The following KCNN2 variants were observed in gnomAD, a reference collection of about 807,000 sequenced individuals.
The protein encoded by KCNN2 is potassium calcium-activated channel subfamily N member 2, also known as small conductance calcium-activated potassium channel protein 2.
Under a neutral mutation model 55.5 loss-of-function variants are expected in KCNN2, and 24 were observed. The ratio of observed to expected loss-of-function variants is 0.43; its 90% CI spans 0.31 to 0.61. KCNN2 has a LOEUF of 0.61. KCNN2 is among the 20% of genes least tolerant of loss of function. KCNN2 has a pLI of 0.08. For missense variants in KCNN2, 754 were observed against 853.6 expected (o/e 0.88, Z 1.45); for synonymous variants, 431 against 336.1 (o/e 1.28, Z -3.09).
chr5:114,062,834 T>C (rs572550844), intron 1 of KCNN2, among the ~76,000 whole-genome samples: 4 of 152,236 alleles, frequency 2.6e-5, no homozygotes, highest in Non-Finnish European at 5.9e-5. Context: ...TGTTTTTCTT[T>C]TAAGGCAGTT....
chr5:114,220,209 A>G (rs1257649423), intron 1 of KCNN2, among the ~76,000 whole-genome samples: 1 of 152,224 alleles, frequency 6.6e-6, no homozygotes, highest in East Asian at 1.9e-4. Context: ...TTAACAAATA[A>G]TACATTAGAA....
Position 114,363,008 on chromosome 5 carries a change from A to C in KCNN2, c.869A>C (p.Asn290Thr). The change falls in exon 1 of 8, where the codon AAC (asparagine) becomes ACC (threonine). Residue 290 changes from asparagine to threonine, a missense_variant. This residue lies in a region of KCNN2 where 381 missense variants were observed against 259.1 expected (regional missense o/e 1.47). Coordinates refer to ENST00000673685, the MANE Select transcript of KCNN2 (RefSeq NM_021614.4). ...AAGCCCGAGCACAACAACTCCAACA[A>C]CCTGGCGCTCTATGGAACCGGCGGC... ...VSKPEHNNSN[N>T]LALYGTGGGG... The C allele has an allele frequency of 6.3e-7, 1 of 1,597,786 alleles. No homozygotes were observed. Among genetic ancestry groups the C allele is most frequent in the Non-Finnish European group, 8.5e-7 (1 of 1,175,732 alleles).
At chr5:114,198,603 T>G (rs917079041) in intron 1 of KCNN2, among the ~76,000 whole-genome samples, 11 of 152,146 alleles carry the variant, frequency 7.2e-5, no homozygotes, top group Admixed American at 3.9e-4. Flanking sequence ...CATGATTTCT[T>G]TCCCTCTGGG....
rs540887201 is a variant in KCNN2, at chr5:114,222,791, T to C, written c.-185+1226T>C. Among the ~76,000 whole-genome samples the C allele has an allele frequency of 4.9e-4, 75 of 152,340 alleles. 1 individual carries two copies. Among genetic ancestry groups the C allele is most frequent in the Middle Eastern group, 6.8e-3 (2 of 294 alleles). The stretch of plus-strand genomic sequence containing the variant: ...CTCAAAATAGGCCTTCACTTGGTAC[T>C]TCCTAATAAGTCAGCTGTTTAAAAA... On this transcript the variant is annotated intron_variant, in intron 2 of 10. Transcript: ENST00000512097.
In KCNN2 at chr5:114,177,275, C is replaced by T. The variant is rs539966894; in HGVS notation, c.-270-44205C>T. On this transcript the variant is annotated intron_variant, in intron 1 of 10. Coordinates refer to the KCNN2 transcript ENST00000512097. ...GCCTCAGCCTCCTGAGTAGCTGGGA[C>T]TACAGGAGCCCGCCACCGCGCCCGG... Among the ~76,000 whole-genome samples the T allele has an allele frequency of 1.1e-4, 16 of 151,864 alleles. No homozygotes were observed. The East Asian group carries it at 3.1e-3, about 30-fold the overall frequency.
intron 4 of KCNN2, among the ~76,000 whole-genome samples, chr5:114,469,141 A>ATAGTAACTAATTGTCATTTG (rs1322677090): frequency 6.6e-6 from 1 of 152,152 alleles, no homozygotes; most frequent in East Asian, 1.9e-4. Context: ...TACATAGGTA[A>ATAGTAACTAATTGTCATTTG]TAGTAACTAA....
chr5:114,272,611 C>A (rs188046012), intron 2 of KCNN2, among the ~76,000 whole-genome samples: 8 of 152,036 alleles, frequency 5.3e-5, no homozygotes, highest in Admixed American at 3.3e-4. Context: ...ATTCTAGAGA[C>A]CTTTTGTTGT....
intron 1 of KCNN2, among the ~76,000 whole-genome samples, chr5:114,074,250 A>G (rs898420012): frequency 6.6e-6 from 1 of 151,726 alleles, no homozygotes; most frequent in African/African-American, 2.4e-5. Context: ...ACCCATCACC[A>G]TCGGTAGAAC....
At chr5:114,275,418 C>T (rs1358459386) in intron 2 of KCNN2, among the ~76,000 whole-genome samples, 1 of 152,070 alleles carries the variant, frequency 6.6e-6, no homozygotes, top group Non-Finnish European at 1.5e-5. Flanking sequence ...GGTGTCCATT[C>T]CTCTTTGTAC....
At position 114,350,757 on chromosome 5, in the gene KCNN2, A is replaced by G. The variant is rs200578538; in HGVS notation, c.-184-10188A>G. On this transcript the variant is annotated intron_variant, in intron 2 of 10. Transcript: ENST00000512097. ...ATCTAGGCACCCTTATTAAAGGTCA[A>G]TCAGTCATAAATGTAAAGGTTTATT... Among the ~76,000 whole-genome samples, 19 of 151,966 alleles carry G rather than the reference A, an allele frequency of 1.3e-4. No homozygotes were observed. The East Asian group carries it at 3.7e-3, about 29-fold the overall frequency.
intron 5 of KCNN2, among the ~76,000 whole-genome samples, chr5:114,476,123 G>C (rs541696298): frequency 6.6e-6 from 1 of 151,304 alleles, no homozygotes; most frequent in Non-Finnish European, 1.5e-5. Flanking sequence ...TGCCATGCTG[G>C]TGCGCTGCAC....
At position 114,109,421 on chromosome 5, in the gene KCNN2, C is replaced by T. The variant is rs566269460; in HGVS notation, c.-271+52921C>T. ...AGAAGGAAGTTGCAGGTCCTGCCAA[C>T]ACTCCAGGGGAGGGGATTGTACAAG... On this transcript the variant is annotated intron_variant, in intron 1 of 10. Coordinates refer to the KCNN2 transcript ENST00000512097. Among the ~76,000 whole-genome samples the T allele has an allele frequency of 8.5e-5, 13 of 152,162 alleles. No homozygotes were observed. In the South Asian group the frequency reaches 2.7e-3, roughly 32 times the overall value.
At chr5:114,461,923 T>A (rs1761221777) in intron 3 of KCNN2, among the ~76,000 whole-genome samples, 1 of 152,180 alleles carries the variant, frequency 6.6e-6, no homozygotes. Flanking sequence ...ATTATCAGTA[T>A]ATTTTGCAGA....
At position 114,423,680 on chromosome 5, in the gene KCNN2, G is replaced by C. The variant is rs1759535920; in HGVS notation, c.1637+18824G>C. 2.0e-5 allele frequency among the ~76,000 whole-genome samples: 3 copies of C among 152,302 alleles called. No individual in the cohort carries two copies. The South Asian group carries it at 6.2e-4, about 32-fold the overall frequency. On this transcript the variant is annotated intron_variant, in intron 3 of 7. Coordinates refer to ENST00000673685, the MANE Select transcript of KCNN2 (RefSeq NM_021614.4). ...ATGGCATAGTGTTTGCCCTGTAGGA[G>C]CTTACAATATAATAGGTATATGCAT...
At chr5:114,224,474 G>C (rs1394015515) in intron 2 of KCNN2, among the ~76,000 whole-genome samples, 1 of 152,150 alleles carries the variant, frequency 6.6e-6, no homozygotes, top group Non-Finnish European at 1.5e-5. Flanking sequence ...ATATTTTTTA[G>C]ATTCTAAATC....
chr5:114,195,217 G>GAAA, intron 1 of KCNN2, among the ~76,000 whole-genome samples: 1 of 144,958 alleles, frequency 6.9e-6, no homozygotes, highest in African/African-American at 2.5e-5. Flanking sequence ...GATTTCTGCC[G>GAAA]AAAAAAAAAA....
chr5:114,459,015 A>G (rs907375431), intron 3 of KCNN2, among the ~76,000 whole-genome samples: 2 of 152,250 alleles, frequency 1.3e-5, no homozygotes, highest in Non-Finnish European at 2.9e-5. Flanking sequence ...TTCCTTGGGA[A>G]AGATAACTTC....
At chr5:114,184,316 C>T (rs1753290185) in intron 1 of KCNN2, among the ~76,000 whole-genome samples, 1 of 152,092 alleles carries the variant, frequency 6.6e-6, no homozygotes, top group Non-Finnish European at 1.5e-5. Flanking sequence ...AACTTAAAAT[C>T]TAAAAATATT....
intron 2 of KCNN2, among the ~76,000 whole-genome samples, chr5:114,352,781 T>C (rs1015753373): frequency 4.6e-5 from 7 of 151,930 alleles, no homozygotes; most frequent in Admixed American, 4.6e-4. Context: ...GCAATTTTGT[T>C]ACAAGCATAG....
Sources: allele counts gnomAD v4.1 joint callset (sites outside exome capture counted in the v4.1 genomes callset), GRCh38; gene constraint gnomAD v4.1.1; regional missense constraint gnomAD v4.1.1; transcripts MANE v1.5; gene names NCBI Gene and HGNC (gene_info 2026-07-23, HGNC 2026-07-21).